TRIM29: variants seen among roughly 807,000 people sequenced by gnomAD.
The protein encoded by TRIM29 is tripartite motif containing 29, also known as tripartite motif-containing protein 29.
A neutral mutation model predicts 57.3 loss-of-function variants in TRIM29; 52 were observed. The observed-to-expected ratio is 0.91, with a 90% CI of 0.73 to 1.14. The LOEUF is 1.14. Among genes scored for constraint, TRIM29 ranks in the 50% most tolerant of loss-of-function variants. TRIM29 has a pLI of 0.00. For synonymous variants in TRIM29, 319 were observed against 316.9 expected, an observed-to-expected ratio of 1.01 and a Z score of -0.07; for missense variants, 753 against 774.6, an observed-to-expected ratio of 0.97 and a Z score of 0.33.
At chr11:120,118,416 C>T (rs1863340963) in intron 6 of TRIM29, 95 bp from the exon 7 acceptor site, 1 of 867,008 alleles carries the variant, frequency 1.2e-6, no homozygotes, top group Non-Finnish European at 1.8e-6. Context: ...TCTCTAGCCG[C>T]TGGCCACAAC....
At chr11:120,120,738 C>T (rs770853707) in intron 5 of TRIM29, 73 bp from the exon 6 acceptor site, 5 of 1,339,858 alleles carry the variant, frequency 3.7e-6, no homozygotes, top group Non-Finnish European at 5.3e-6. Flanking sequence ...CAAAAAGTTG[C>T]CCAAGTGCCC....
chr11:120,137,600 C>A lies in TRIM29; in HGVS notation c.432G>T (p.Glu144Asp), dbSNP rs779799442. Residue 144 changes from glutamate (E) to aspartate (D), a missense_variant, in exon 1 of 9, where the codon GAG becomes GAT. Transcript: ENST00000341846. The surrounding 1 kb of genome is among the most constrained non-coding windows in gnomAD (Gnocchi z 6.2). ...ESRKPTVSIM[E>D]PGETRRNSYP... ...AGCTGTTCCGCCGGGTCTCCCCGGG[C>A]TCCATGATGGACACCGTGGGCTTCC... The A allele has an allele frequency of 1.2e-5, 19 of 1,613,428 alleles. No homozygotes were observed. Among genetic ancestry groups the A allele is most frequent in the Non-Finnish European group, 1.4e-5 (17 of 1,179,984 alleles).
In TRIM29 at chr11:120,115,432, T is replaced by C. The variant is rs1863242285; in HGVS notation, c.1628-18A>G. ...GGGATAGCCTGGGAAGACAAGAGATTCAGGTCAAAGGGAGCAGCGCTGGTG... is the reference window on the plus strand; with the variant it reads ...GGGATAGCCTGGGAAGACAAGAGATCCAGGTCAAAGGGAGCAGCGCTGGTG... On this transcript the variant is annotated intron_variant, in intron 7 of 8. Transcript: ENST00000341846. 1 of 1,611,642 alleles carries C rather than the reference T, an allele frequency of 6.2e-7. No individual in the cohort carries two copies. The highest frequency in any genetic ancestry group is 1.1e-5 in the South Asian group (1 of 90,598).
rs118047514 is a variant in TRIM29 at position 120,133,160 on chromosome 11, C to T, written c.804+4068G>A. Among the ~76,000 whole-genome samples, 1,029 of 152,318 alleles carry T rather than the reference C, an allele frequency of 6.8e-3. 7 individuals carry two copies. The highest frequency in any genetic ancestry group is 0.01 in the Middle Eastern group (3 of 294). ...TCTAGGGAGACCTTTAAAATACCTC[C>T]TGGGCTAAGGCCTGGGAATCTGTGT... On this transcript the variant is annotated intron_variant, in intron 1 of 8. Coordinates refer to ENST00000341846, the MANE Select transcript of TRIM29 (RefSeq NM_012101.4).
At chr11:120,117,665 C>G in intron 7 of TRIM29, 1 of 159,596 alleles carries the variant, frequency 6.3e-6, no homozygotes, top group Non-Finnish European at 1.4e-5. Flanking sequence ...CCCCAGGGGA[C>G]AGGAGGCGTC....
rs550635314 is a variant in TRIM29, at chr11:120,125,978, G to A, written c.1135-89C>T. ...GCCAGGGGCTCTCACAGTGCAGCTG[G>A]GGGTCTCAGCGCTGCAAGCCCCACT... On this transcript the variant is annotated intron_variant, in intron 3 of 8. Transcript: ENST00000341846. The A allele has an allele frequency of 3.7e-6, 5 of 1,343,144 alleles. No individual in the cohort carries two copies. In the Admixed American group the frequency reaches 9.6e-5, roughly 26 times the overall value. The allele number at this position is 1,343,144 out of a possible 1,614,324, so 83.2% of individuals were successfully genotyped here.
At chr11:120,120,728 C>T in intron 5 of TRIM29, 63 bp from the exon 6 acceptor site, 4 of 1,511,872 alleles carry the variant, frequency 2.6e-6, no homozygotes, top group Non-Finnish European at 3.6e-6. Flanking sequence ...TCCTTGCCCC[C>T]AAAAAGTTGC....
At chr11:120,115,247 A>G in intron 8 of TRIM29, 91 bp downstream of exon 8, 2 of 1,310,720 alleles carry the variant, frequency 1.5e-6, no homozygotes, top group Non-Finnish European at 2.2e-6. Flanking sequence ...AAGTCCTCCC[A>G]CAGGCCCTGG....
chr11:120,128,123 G>A (rs1429701471), intron 2 of TRIM29, among the ~76,000 whole-genome samples: 3 of 152,154 alleles, frequency 2.0e-5, no homozygotes, highest in African/African-American at 7.2e-5. Flanking sequence ...ACAGACATTG[G>A]AGGACATTGG....
chr11:120,123,003 C>T lies in TRIM29; in HGVS notation c.1386G>A (p.Trp462Ter), dbSNP rs146969640. The T allele has an allele frequency of 9.0e-5, 145 of 1,613,966 alleles. No homozygotes were observed. The highest frequency in any genetic ancestry group is 1.1e-4 in the Non-Finnish European group (133 of 1,180,008). ...NNYTNSFGGE[W>*]SAPDTMKRYS... Reference sequence around the variant, plus strand: ...ATCTCTTCATGGTGTCCGGTGCACTCCACTCACCCCCGAAGCTGTTCGTGT... The same window carrying T: ...ATCTCTTCATGGTGTCCGGTGCACTTCACTCACCCCCGAAGCTGTTCGTGT... Residue 462 changes from tryptophan to a stop codon, truncating the protein, a stop_gained, in exon 5 of 9, where the codon TGG (tryptophan) becomes TGA (stop). Coordinates refer to ENST00000341846, the MANE Select transcript of TRIM29 (RefSeq NM_012101.4). LOFTEE classifies it high-confidence loss of function.
At chr11:120,123,218 C>T (rs1374644456) in intron 4 of TRIM29, 163 bp from the exon 5 acceptor site, 2 of 707,962 alleles carry the variant, frequency 2.8e-6, no homozygotes, top group Non-Finnish European at 5.1e-6. Flanking sequence ...CCCTGCCCAG[C>T]ATTCACTCGG....
chr11:120,134,960 G>A (rs570157977), intron 1 of TRIM29, among the ~76,000 whole-genome samples: 301 of 152,270 alleles, frequency 2.0e-3, no homozygotes, highest in African/African-American at 7.0e-3. Flanking sequence ...GTAACTAGAC[G>A]GGCGCTCCCC....
At chr11:120,123,119 A>T in intron 4 of TRIM29, 64 bp from the exon 5 acceptor site, 1 of 1,441,036 alleles carries the variant, frequency 6.9e-7, no homozygotes, top group Non-Finnish European at 9.8e-7. Context: ...GCCACTGGGG[A>T]CTTTTGGGGC....
chr11:120,118,153 G>C, intron 7 of TRIM29, 70 bp downstream of exon 7: 1 of 1,375,904 alleles, frequency 7.3e-7, no homozygotes, highest in Non-Finnish European at 1.0e-6. Context: ...TCAGCGAAGA[G>C]ACCCAAGCAG....
At chr11:120,132,308 G>T (rs1314547788) in intron 1 of TRIM29, among the ~76,000 whole-genome samples, 5 of 152,010 alleles carry the variant, frequency 3.3e-5, no homozygotes, top group Admixed American at 3.3e-4. Flanking sequence ...GTGGTTGAAG[G>T]CCCTGATGGC....
intron 5 of TRIM29, among the ~76,000 whole-genome samples, chr11:120,122,394 T>A (rs1481479922): frequency 2.0e-5 from 3 of 152,082 alleles, no homozygotes; most frequent in Non-Finnish European, 4.4e-5. Context: ...AGGCAGGCAC[T>A]GGTCTGTGCT....
At chr11:120,128,068 G>A (rs1043045610) in intron 2 of TRIM29, among the ~76,000 whole-genome samples, 1 of 152,230 alleles carries the variant, frequency 6.6e-6, no homozygotes, top group Admixed American at 6.5e-5. Flanking sequence ...CATAAGTAGA[G>A]AAGAAATGGT....
rs374278527 is a variant in TRIM29 at position 120,137,924 on chromosome 11, G to A, written c.108C>T (p.Asp36=). 7 of 1,609,396 alleles carry A rather than the reference G, an allele frequency of 4.3e-6. No individual in the cohort carries two copies. The Admixed American group carries it at 6.7e-5, about 15-fold the overall frequency. Residue 36 remains aspartate, a synonymous_variant, in exon 1 of 9, where the codon GAC becomes GAT. Coordinates refer to ENST00000341846, the MANE Select transcript of TRIM29 (RefSeq NM_012101.4). This position sits in a 1 kb window ranked among gnomAD's most constrained non-coding sequence, Gnocchi z 6.2. ...SGSLENGTKA[D]GKDAKTTNGH... is the part of the protein sequence containing the mutation. ...CGTTGGTGGTCTTGGCATCCTTGCC[G>A]TCAGCCTTGGTGCCATTCTCCAGGC... is the stretch of plus-strand genomic sequence containing the variant.
At position 120,137,805 on chromosome 11, in the gene TRIM29, C is replaced by A. The variant is rs141867333; in HGVS notation, c.227G>T (p.Arg76Leu). 11 of 1,612,362 alleles carry A rather than the reference C, an allele frequency of 6.8e-6. No individual in the cohort carries two copies. The East Asian group carries it at 1.8e-4, about 26-fold the overall frequency. ...RSALFAGNEWRRPIIQFVESG... is the reference protein window; with the variant it reads ...RSALFAGNEWLRPIIQFVESG... ...CTCGACAAACTGGATGATGGGTCGCCGCCACTCATTGCCCGCGAACAGGGC... is the reference window on the plus strand; with the variant it reads ...CTCGACAAACTGGATGATGGGTCGCAGCCACTCATTGCCCGCGAACAGGGC... Residue 76 changes from arginine to leucine, a missense_variant, in exon 1 of 9, where the codon CGG becomes CTG. Transcript: ENST00000341846. This position sits in a 1 kb window ranked among gnomAD's most constrained non-coding sequence, Gnocchi z 6.2.
Sources: allele counts gnomAD v4.1 joint callset (sites outside exome capture counted in the v4.1 genomes callset), GRCh38; gene constraint gnomAD v4.1.1; non-coding constraint Gnocchi (gnomAD v3.1); transcripts MANE v1.5; gene names NCBI Gene and HGNC (gene_info 2026-07-23, HGNC 2026-07-21).